Variants in DLG2 observed in about 807,000 individuals in gnomAD.
The protein encoded by DLG2 is disks large homolog 2.
A neutral mutation model predicts 132.5 loss-of-function variants in DLG2; 45 were observed. The ratio of observed to expected loss-of-function variants is 0.34; its 90% confidence interval spans 0.27 to 0.44. The LOEUF is 0.44. DLG2 is among the 20% of genes least tolerant of loss of function. DLG2 has a pLI of 1.00. For missense variants in DLG2, 1,045 were observed against 1,196.9 expected, an observed-to-expected ratio of 0.87 and a Z score of 1.87; for synonymous variants, 424 against 419.6, an observed-to-expected ratio of 1.01 and a Z score of -0.13.
intron 6 of DLG2, among the ~76,000 whole-genome samples, chr11:84,751,952 T>C (rs970592125): frequency 1.3e-5 from 2 of 152,170 alleles, no homozygotes; most frequent in Admixed American, 6.6e-5. Context: ...TTAGCAAGTG[T>C]TGTACTATTT....
At chr11:84,180,483 T>A (rs1489546743) in intron 8 of DLG2, among the ~76,000 whole-genome samples, 1 of 151,006 alleles carries the variant, frequency 6.6e-6, no homozygotes, top group Non-Finnish European at 1.5e-5. Flanking sequence ...TGACTGAAAA[T>A]TTCACCCAAA....
At chr11:84,681,098 C>T (rs914660518) in intron 6 of DLG2, among the ~76,000 whole-genome samples, 1 of 152,148 alleles carries the variant, frequency 6.6e-6, no homozygotes, top group African/African-American at 2.4e-5. Context: ...GAGTTCTTTT[C>T]TATTTATTTC....
intron 6 of DLG2, among the ~76,000 whole-genome samples, chr11:84,949,533 G>A (rs1172805655): frequency 7.5e-6 from 1 of 133,222 alleles, no homozygotes; most frequent in Non-Finnish European, 1.6e-5. Context: ...GCGGGCGGGG[G>A]GTGGGCAGTT....
At position 84,721,628 on chromosome 11, in the gene DLG2, A is replaced by C. The variant is rs1378320173; in HGVS notation, c.358-186897T>G. ...GAAGACAAAAACAAATGTGATAAGA[A>C]GGGTGTGGGGGTAGGAAGTGGGTAA... On this transcript the variant is annotated intron_variant, in intron 6 of 27. Transcript: ENST00000376104. Among the ~76,000 whole-genome samples the C allele has an allele frequency of 2.0e-5, 3 of 151,680 alleles. 1 individual carries two copies. The highest frequency in any genetic ancestry group is 2.0e-4 in the Admixed American group (3 of 15,258).
chr11:85,173,199 A>G (rs1449592063), intron 4 of DLG2, among the ~76,000 whole-genome samples: 3 of 152,190 alleles, frequency 2.0e-5, no homozygotes, highest in Non-Finnish European at 4.4e-5. Flanking sequence ...AATGAAAGAA[A>G]AAAATGGTTA....
chr11:83,633,390 GC>G, intron 18 of DLG2, 65 bp from the exon 19 acceptor site: 1 of 1,310,230 alleles, frequency 7.6e-7, no homozygotes, highest in Non-Finnish European at 1.1e-6. Context: ...ATGCTGCACA[GC>G]CCAGGCAGCC....
intron 15 of DLG2, among the ~76,000 whole-genome samples, chr11:83,927,067 G>A (rs970971907): frequency 6.6e-6 from 1 of 152,248 alleles, no homozygotes; most frequent in African/African-American, 2.4e-5. Flanking sequence ...TTCATTCATG[G>A]AGTAGTTTTA....
intron 6 of DLG2, among the ~76,000 whole-genome samples, chr11:84,876,804 T>C (rs1356334430): frequency 6.6e-6 from 1 of 152,214 alleles, no homozygotes; most frequent in Non-Finnish European, 1.5e-5. Flanking sequence ...TTTCCTGCTT[T>C]CTCCAGTGGG....
intron 15 of DLG2, among the ~76,000 whole-genome samples, chr11:83,929,645 TG>T (rs1395266427): frequency 6.6e-6 from 1 of 152,230 alleles, no homozygotes; most frequent in East Asian, 1.9e-4. Flanking sequence ...CTACATTTAT[TG>T]GCAAGATCAT....
chr11:84,048,282 AT>A (rs2096280359), intron 11 of DLG2, among the ~76,000 whole-genome samples: 1 of 151,592 alleles, frequency 6.6e-6, no homozygotes, highest in Non-Finnish European at 1.5e-5. Flanking sequence ...TTCTTATTCC[AT>A]ATATTTTATT....
At chr11:84,545,704 C>A in intron 6 of DLG2, 1 of 277,958 alleles carries the variant, frequency 3.6e-6, no homozygotes, top group South Asian at 4.9e-5. Flanking sequence ...TGATTTCAGT[C>A]ACTTCAATTT....
intron 4 of DLG2, among the ~76,000 whole-genome samples, chr11:85,212,342 T>C (rs1028483054): frequency 6.6e-6 from 1 of 152,110 alleles, no homozygotes; most frequent in Non-Finnish European, 1.5e-5. Context: ...TCTTTCTCTC[T>C]CTCTCTGTCT....
In DLG2 at chr11:83,798,297, C is replaced by T. The variant is rs532674182; in HGVS notation, c.1723-11505G>A. ...CCTCATATGCATCAAAAGATGTGAA[C>T]CCTTCTTTTGTTAGGCTGTTATCAG... On this transcript the variant is annotated intron_variant, in intron 17 of 27. Coordinates refer to ENST00000376104, the MANE Select transcript of DLG2 (RefSeq NM_001142699.3). Among the ~76,000 whole-genome samples the T allele has an allele frequency of 3.3e-5, 5 of 152,254 alleles. No homozygotes were observed. In the South Asian group the frequency reaches 1.0e-3, roughly 32 times the overall value.
intron 3 of DLG2, among the ~76,000 whole-genome samples, chr11:85,522,149 C>T (rs1384321788): frequency 1.3e-5 from 2 of 152,132 alleles, no homozygotes; most frequent in Non-Finnish European, 2.9e-5. Flanking sequence ...TGTATACAGT[C>T]TCAGGACTGT....
intron 6 of DLG2, among the ~76,000 whole-genome samples, chr11:84,917,404 T>G: frequency 6.6e-6 from 1 of 152,262 alleles, no homozygotes; most frequent in East Asian, 1.9e-4. Context: ...GTAGTTTTCA[T>G]ATCTATATTA....
rs190128651 is a variant in DLG2, at chr11:84,276,660, C to T, written c.520-25369G>A. Among the ~76,000 whole-genome samples, 10 of 152,254 alleles carry T rather than the reference C, an allele frequency of 6.6e-5. No individual in the cohort carries two copies. In the East Asian group the frequency reaches 9.6e-4, roughly 15 times the overall value. ...GCTACCATTTTTTTTCCATTAAACA[C>T]GCAGTCACTAGGCTACATGTCTATC... is the stretch of plus-strand genomic sequence containing the variant. On this transcript the variant is annotated intron_variant, in intron 7 of 27. Transcript: ENST00000376104.
At chr11:84,606,413 A>G (rs1357279585) in intron 6 of DLG2, among the ~76,000 whole-genome samples, 1 of 152,180 alleles carries the variant, frequency 6.6e-6, no homozygotes, top group Non-Finnish European at 1.5e-5. Context: ...AATATAAATT[A>G]TAATTGTCTT....
At chr11:85,547,580 T>A (rs1211644442) in intron 3 of DLG2, among the ~76,000 whole-genome samples, 1 of 152,210 alleles carries the variant, frequency 6.6e-6, no homozygotes, top group Non-Finnish European at 1.5e-5. Context: ...GAAGAGTGTT[T>A]TCCAACTTGG....
intron 6 of DLG2, among the ~76,000 whole-genome samples, chr11:84,718,537 G>A (rs559015289): frequency 2.6e-5 from 4 of 152,250 alleles, no homozygotes; most frequent in East Asian, 1.9e-4. Context: ...TTGAAGGGTC[G>A]AATGCATATT....
Sources: allele counts gnomAD v4.1 joint callset (sites outside exome capture counted in the v4.1 genomes callset), GRCh38; gene constraint gnomAD v4.1.1; transcripts MANE v1.5; gene names NCBI Gene and HGNC (gene_info 2026-07-23, HGNC 2026-07-21).